The following PLXNA4 variants were observed in gnomAD, a reference collection of about 807,000 sequenced individuals.
The protein encoded by PLXNA4 is plexin A4, also known as plexin-A4.
A neutral mutation model predicts 191.8 loss-of-function variants in PLXNA4; 44 were observed. The ratio of observed to expected loss-of-function variants is 0.23; its 90% CI spans 0.18 to 0.29. PLXNA4 has a LOEUF of 0.29. Among genes scored for constraint, PLXNA4 ranks in the 10% least tolerant of loss-of-function variants. PLXNA4 has a pLI of 1.00. For synonymous variants in PLXNA4, 1,082 were observed against 1,009.5 expected (o/e 1.07, Z -1.36); for missense variants, 1,800 against 2,488.8 (o/e 0.72, Z 5.89).
At chr7:132,351,226 A>G (rs1803471649) in intron 3 of PLXNA4, among the ~76,000 whole-genome samples, 1 of 152,180 alleles carries the variant, frequency 6.6e-6, no homozygotes, top group Non-Finnish European at 1.5e-5. Flanking sequence ...TGGTTGTGCA[A>G]CTCTGTAATT....
At chr7:132,447,406 T>C (rs979666490) in intron 3 of PLXNA4, among the ~76,000 whole-genome samples, 10 of 152,154 alleles carry the variant, frequency 6.6e-5, no homozygotes, top group African/African-American at 2.4e-4. Flanking sequence ...ACCAGGTGAA[T>C]TTTGATCTCC....
chr7:132,453,662 C>G (rs956268366), intron 3 of PLXNA4, among the ~76,000 whole-genome samples: 2 of 152,126 alleles, frequency 1.3e-5, no homozygotes, highest in Non-Finnish European at 2.9e-5. Context: ...CTGCCTCAGC[C>G]TCCCGAGTAG....
At chr7:132,561,649 CTTCCTCCTT>C (rs1199677571) in intron 1 of PLXNA4, among the ~76,000 whole-genome samples, 8 of 136,524 alleles carry the variant, frequency 5.9e-5, no homozygotes, top group Non-Finnish European at 1.1e-4. Context: ...TTCTCCTCCT[CTTCCTCCTT>C]TTCCTCATCC....
intron 3 of PLXNA4, among the ~76,000 whole-genome samples, chr7:132,362,598 G>A (rs1241396214): frequency 2.0e-5 from 3 of 152,182 alleles, no homozygotes; most frequent in Non-Finnish European, 4.4e-5. Flanking sequence ...CACTTAGTCA[G>A]AAAGTATAGT....
intron 3 of PLXNA4, among the ~76,000 whole-genome samples, chr7:132,409,393 C>CT (rs973060509): frequency 2.0e-5 from 3 of 152,164 alleles, no homozygotes; most frequent in Non-Finnish European, 2.9e-5. Context: ...CCATGGGATT[C>CT]TTTTTGTCCG....
intron 4 of PLXNA4, among the ~76,000 whole-genome samples, chr7:132,260,675 T>TAAAA (rs1265701695): frequency 7.1e-6 from 1 of 141,806 alleles, no homozygotes. Flanking sequence ...AAATAAAAAT[T>TAAAA]AAAAAAAAAA....
At position 132,123,711 on chromosome 7, in the gene PLXNA4, T is replaced by C. The variant is rs946491398; in HGVS notation, c.*6768A>G. 5 of 152,204 alleles carry C rather than the reference T, an allele frequency of 3.3e-5. No homozygotes were observed. The highest frequency in any genetic ancestry group is 1.2e-4 in the African/African-American group (5 of 41,434). The allele number at this position is 152,204 out of a possible 1,614,324, so 9.4% of individuals were successfully genotyped here. A position where few individuals can be genotyped will look rare whatever the true frequency, so the allele number is the denominator to read the frequency against. On this transcript the variant is annotated 3_prime_UTR_variant, in exon 32 of 32. Coordinates refer to ENST00000321063, the MANE Select transcript of PLXNA4 (RefSeq NM_020911.2). Reference sequence around the variant, plus strand: ...TCAATGTTCGAGGTGGGAGCTTTAGTTTGAAACAGAAGTGGGATGGGGCTG... The same window carrying C: ...TCAATGTTCGAGGTGGGAGCTTTAGCTTGAAACAGAAGTGGGATGGGGCTG...
chr7:132,316,115 G>T (rs1314252243), intron 3 of PLXNA4, among the ~76,000 whole-genome samples: 1 of 152,168 alleles, frequency 6.6e-6, no homozygotes, highest in Non-Finnish European at 1.5e-5. Flanking sequence ...CTATGCCCTT[G>T]AAGAGGGGCA....
intron 4 of PLXNA4, among the ~76,000 whole-genome samples, chr7:132,291,852 T>C (rs12670542): frequency 0.3 from 45,540 of 151,918 alleles, 6,958 homozygotes; most frequent in Admixed American, 0.42. Context: ...TGGAGTGCAG[T>C]GGCATGATCT....
chr7:132,584,580 T>C (rs1354295948), intron 2 of PLXNA4, among the ~76,000 whole-genome samples: 1 of 152,220 alleles, frequency 6.6e-6, no homozygotes. Flanking sequence ...AGTAAATCTA[T>C]GTATGCTGCT....
chr7:132,475,412 A>G (rs1281002173), intron 3 of PLXNA4, among the ~76,000 whole-genome samples: 1 of 152,146 alleles, frequency 6.6e-6, no homozygotes, highest in African/African-American at 2.4e-5. Flanking sequence ...AACCCCCTCT[A>G]AGAGAGAAAA....
At chr7:132,548,835 G>A (rs961388001) in intron 1 of PLXNA4, among the ~76,000 whole-genome samples, 1 of 152,174 alleles carries the variant, frequency 6.6e-6, no homozygotes, top group Admixed American at 6.5e-5. Flanking sequence ...AAAACAGGAT[G>A]TGGTGAAGAA....
chr7:132,343,268 C>G (rs1398485005), intron 3 of PLXNA4, among the ~76,000 whole-genome samples: 2 of 152,148 alleles, frequency 1.3e-5, no homozygotes, highest in African/African-American at 4.8e-5. Flanking sequence ...CCATCTTAAT[C>G]ATTTTTAAAT....
rs2116779389 is a variant in PLXNA4, at chr7:132,347,201, C to T, written c.1372-48979G>A. Among the ~76,000 whole-genome samples the T allele has an allele frequency of 1.3e-5, 2 of 152,280 alleles. 1 individual carries two copies. The highest frequency in any genetic ancestry group is 4.2e-4 in the South Asian group (2 of 4,818). ...CATCAAAGCACTCTCAGCTGAATCC[C>T]TTCCCCCCAAAAAAGGAGACACAGA... On this transcript the variant is annotated intron_variant, in intron 3 of 31. Transcript: ENST00000321063.
At chr7:132,433,325 T>C (rs1319090755) in intron 3 of PLXNA4, among the ~76,000 whole-genome samples, 1 of 151,996 alleles carries the variant, frequency 6.6e-6, no homozygotes. Context: ...GCTTTGGGGG[T>C]CCCTGAAGTG....
In PLXNA4 at chr7:132,370,606, T is replaced by C. The variant is rs140659164; in HGVS notation, c.1372-72384A>G. ...CTGTATTTAGCGGTGCCAGCTATCC[T>C]GGACTCTGTTTGTGTGCCTGTGTAT... On this transcript the variant is annotated intron_variant, in intron 3 of 31. Coordinates refer to ENST00000321063, the MANE Select transcript of PLXNA4 (RefSeq NM_020911.2). 4.6e-3 allele frequency among the ~76,000 whole-genome samples: 698 copies of C among 152,352 alleles called. 7 individuals carry two copies. The highest frequency in any genetic ancestry group is 0.016 in the African/African-American group (663 of 41,584).
chr7:132,179,639 TGCACACAC>T lies in PLXNA4; in HGVS notation c.3874+40_3874+47del, dbSNP rs766365160. Reference sequence around the variant, plus strand: ...ACACAGATGTGCATGCACACACATATGCACACACGCACACACACATGGCCTCCAGCATG... The same window carrying T: ...ACACAGATGTGCATGCACACACATATGCACACACACATGGCCTCCAGCATG... On this transcript the variant is annotated intron_variant, in intron 20 of 31. Coordinates refer to ENST00000321063, the MANE Select transcript of PLXNA4 (RefSeq NM_020911.2). 6 of 1,591,982 alleles carry T rather than the reference TGCACACAC, an allele frequency of 3.8e-6. No individual in the cohort carries two copies. In the Admixed American group the frequency reaches 5.0e-5, roughly 13 times the overall value.
chr7:132,134,261 G>A (rs187823679), intron 30 of PLXNA4, among the ~76,000 whole-genome samples: 1 of 152,178 alleles, frequency 6.6e-6, no homozygotes, highest in Non-Finnish European at 1.5e-5. Context: ...CCCCAGCCCT[G>A]TGTCTTTCCC....
intron 3 of PLXNA4, among the ~76,000 whole-genome samples, chr7:132,382,908 T>C (rs1162691696): frequency 6.6e-6 from 1 of 152,184 alleles, no homozygotes; most frequent in East Asian, 1.9e-4. Context: ...TACACAAATG[T>C]AGTTATATAT....
Sources: allele counts gnomAD v4.1 joint callset (sites outside exome capture counted in the v4.1 genomes callset), GRCh38; gene constraint gnomAD v4.1.1; transcripts MANE v1.5; gene names NCBI Gene and HGNC (gene_info 2026-07-23, HGNC 2026-07-21).